Variants in PPP2R2B observed in about 807,000 individuals in gnomAD.
PPP2R2B encodes the protein serine/threonine-protein phosphatase 2A 55 kDa regulatory subunit B beta isoform.
Under a neutral mutation model 46.0 loss-of-function variants are expected in PPP2R2B, and 5 were observed. That is an observed-to-expected ratio of 0.11 (90% CI 0.06 to 0.23). The LOEUF (loss-of-function observed/expected upper bound fraction) is 0.23, where lower values mean the gene tolerates loss of function less well. PPP2R2B is among the 10% of genes least tolerant of loss of function. The pLI, the probability that PPP2R2B is intolerant of heterozygous loss-of-function variation, is 1.00. For missense variants in PPP2R2B, 367 were observed against 575.0 expected, an observed-to-expected ratio of 0.64 and a Z score of 3.70; for synonymous variants, 215 against 206.7, an observed-to-expected ratio of 1.04 and a Z score of -0.34.
In PPP2R2B at chr5:146,656,093, C is replaced by T. The variant is rs915352336; in HGVS notation, c.448-5369G>A. On this transcript the variant is annotated intron_variant, in intron 5 of 9. Coordinates refer to ENST00000394411, the MANE Select transcript of PPP2R2B (RefSeq NM_181675.4). ...TCAATAGCAGACATATTCTAGGGAC[C>T]GGTGCCACAACAGTGAACTCTCTGT... 1.1e-4 allele frequency among the ~76,000 whole-genome samples: 16 copies of T among 152,220 alleles called. 1 individual carries two copies. The highest frequency in any genetic ancestry group is 2.6e-4 in the Admixed American group (4 of 15,302).
intron 1 of PPP2R2B, among the ~76,000 whole-genome samples, chr5:146,993,807 GTT>G (rs35383221): frequency 7.9e-4 from 119 of 149,906 alleles, no homozygotes; most frequent in Admixed American, 2.3e-3. Flanking sequence ...ATCCAGCACA[GTT>G]TTTTTTTTTA....
chr5:146,817,244 T>C (rs1036228441), intron 2 of PPP2R2B, among the ~76,000 whole-genome samples: 1 of 152,132 alleles, frequency 6.6e-6, no homozygotes, highest in African/African-American at 2.4e-5. Flanking sequence ...AAGGTACTTA[T>C]GCAAATCTCC....
intron 2 of PPP2R2B, among the ~76,000 whole-genome samples, chr5:146,828,605 T>G (rs1209231265): frequency 6.6e-6 from 1 of 152,208 alleles, no homozygotes; most frequent in African/African-American, 2.4e-5. Context: ...CCCAAGGCTG[T>G]AGAGACAGCC....
Position 146,758,926 on chromosome 5 carries a change from A to AT in PPP2R2B, c.71-57785dup, listed in dbSNP as rs879569268. On this transcript the variant is annotated intron_variant, in intron 2 of 9. Coordinates refer to ENST00000394411, the MANE Select transcript of PPP2R2B (RefSeq NM_181675.4). ...CAATCCCTGCCCTCTCTTACATGGAATTTTTTTTTTCCCAAATGGAATTAA... is the reference window on the plus strand; with the variant it reads ...CAATCCCTGCCCTCTCTTACATGGAATTTTTTTTTTTCCCAAATGGAATTAA... Among the ~76,000 whole-genome samples the AT allele has an allele frequency of 7.8e-3, 1,177 of 150,674 alleles. 12 individuals are homozygous for AT. The highest frequency in any genetic ancestry group is 0.026 in the African/African-American group (1,087 of 41,116).
In PPP2R2B at chr5:147,055,483, C is replaced by G. The variant is rs191125089; in HGVS notation, c.79+182G>C. 5.9e-5 allele frequency among the ~76,000 whole-genome samples: 9 copies of G among 152,316 alleles called. No homozygotes were observed. The East Asian group carries it at 1.7e-3, about 29-fold the overall frequency. The stretch of plus-strand genomic sequence containing the variant: ...TTATTCTGTTCTTCAGAAAACACTT[C>G]CCTTTCCTTGTACAAGACAGACTGA... On this transcript the variant is annotated intron_variant, in intron 1 of 8. Coordinates refer to the PPP2R2B transcript ENST00000336640.
intron 5 of PPP2R2B, among the ~76,000 whole-genome samples, chr5:146,680,325 C>T (rs1025327257): frequency 6.8e-6 from 1 of 147,516 alleles, no homozygotes; most frequent in Admixed American, 6.9e-5. Context: ...TATTCTCACT[C>T]ATAGGTGGGA....
chr5:146,871,943 TAAG>T (rs1380493193), intron 2 of PPP2R2B, among the ~76,000 whole-genome samples: 4 of 152,184 alleles, frequency 2.6e-5, no homozygotes, highest in African/African-American at 9.6e-5. Context: ...TGAGTAAACA[TAAG>T]AAATACCTAG....
chr5:147,034,936 G>A (rs1755963990), intron 1 of PPP2R2B, among the ~76,000 whole-genome samples: 1 of 151,602 alleles, frequency 6.6e-6, no homozygotes, highest in Non-Finnish European at 1.5e-5. Context: ...AACCCTTTTG[G>A]TAATCAGTGA....
intron 1 of PPP2R2B, among the ~76,000 whole-genome samples, chr5:146,897,054 G>A (rs1001359111): frequency 2.0e-5 from 3 of 152,122 alleles, no homozygotes; most frequent in Non-Finnish European, 2.9e-5. Context: ...TAAAATGATA[G>A]TAAAGAAGCA....
At chr5:146,811,004 G>A (rs977323818) in intron 2 of PPP2R2B, among the ~76,000 whole-genome samples, 10 of 151,788 alleles carry the variant, frequency 6.6e-5, no homozygotes, top group East Asian at 1.9e-4. Flanking sequence ...ATAGTTTGCC[G>A]AGAATGATGG....
chr5:147,061,967 G>GT (rs1757272068), intron 2 of PPP2R2B, among the ~76,000 whole-genome samples: 1 of 152,000 alleles, frequency 6.6e-6, no homozygotes, highest in Non-Finnish European at 1.5e-5. Context: ...TTGTTTGTTT[G>GT]TTTGTTTTTT....
chr5:147,080,763 T>C (rs144516115), intron 2 of PPP2R2B, among the ~76,000 whole-genome samples: 1 of 152,276 alleles, frequency 6.6e-6, no homozygotes, highest in East Asian at 1.9e-4. Context: ...GGACTCAGAA[T>C]TCTACAGCGC....
At chr5:146,745,079 T>C (rs911463383) in intron 2 of PPP2R2B, among the ~76,000 whole-genome samples, 1 of 151,534 alleles carries the variant, frequency 6.6e-6, no homozygotes, top group Admixed American at 6.6e-5. Context: ...ACTGTGGCAA[T>C]AGAAGAAACC....
intron 1 of PPP2R2B, among the ~76,000 whole-genome samples, chr5:146,973,170 C>G (rs11953683): frequency 6.6e-6 from 1 of 151,912 alleles, no homozygotes; most frequent in Non-Finnish European, 1.5e-5. Flanking sequence ...GATTCTTTTT[C>G]TTTTTCTTGT....
At chr5:146,676,004 A>G (rs768572220) in intron 5 of PPP2R2B, among the ~76,000 whole-genome samples, 3 of 151,952 alleles carry the variant, frequency 2.0e-5, no homozygotes, top group Non-Finnish European at 2.9e-5. Context: ...AAACAATTCA[A>G]TCACTCATGG....
chr5:147,012,213 T>C (rs908801273), intron 1 of PPP2R2B, among the ~76,000 whole-genome samples: 1 of 152,094 alleles, frequency 6.6e-6, no homozygotes, highest in Non-Finnish European at 1.5e-5. Flanking sequence ...GGTCCTGGAC[T>C]CTTTTTGGTT....
At chr5:146,692,478 G>A (rs1778913449) in intron 4 of PPP2R2B, among the ~76,000 whole-genome samples, 1 of 151,422 alleles carries the variant, frequency 6.6e-6, no homozygotes. Flanking sequence ...AAGGGCTAAA[G>A]GATCTGTGGA....
At chr5:146,601,357 G>A (rs181147447) in intron 7 of PPP2R2B, among the ~76,000 whole-genome samples, 1 of 152,190 alleles carries the variant, frequency 6.6e-6, no homozygotes, top group Admixed American at 6.5e-5. Flanking sequence ...AGCACTTTGG[G>A]AGGCCTAGGC....
At chr5:147,052,416 G>A (rs1229116666) in intron 1 of PPP2R2B, among the ~76,000 whole-genome samples, 1 of 152,092 alleles carries the variant, frequency 6.6e-6, no homozygotes, top group East Asian at 1.9e-4. Flanking sequence ...AGTACAGCAG[G>A]GAGACAGAGA....
Sources: allele counts gnomAD v4.1 joint callset (sites outside exome capture counted in the v4.1 genomes callset), GRCh38; gene constraint gnomAD v4.1.1; transcripts MANE v1.5; gene names NCBI Gene and HGNC (gene_info 2026-07-23, HGNC 2026-07-21).